ELMO2: variants seen among roughly 807,000 people sequenced by gnomAD.
ELMO2 encodes the protein engulfment and cell motility protein 2.
ELMO2 carries 37 observed loss-of-function variants against 96.2 expected under a neutral mutation model. That is an observed-to-expected ratio of 0.38 (90% CI 0.30 to 0.51). The LOEUF (loss-of-function observed/expected upper bound fraction) is 0.51, where lower values mean the gene tolerates loss of function less well. Ranked by LOEUF, ELMO2 falls within the 20% of genes least tolerant of loss-of-function variation. The pLI is 0.88. For synonymous variants in ELMO2, 315 were observed against 329.4 expected, an observed-to-expected ratio of 0.96 and a Z score of 0.47; for missense variants, 561 against 912.6, an observed-to-expected ratio of 0.61 and a Z score of 4.96.
At position 46,395,946 on chromosome 20, in the gene ELMO2, C is replaced by T. The variant is rs542381409; in HGVS notation, c.-50-1414G>A. Among the ~76,000 whole-genome samples, 9 of 152,348 alleles carry T rather than the reference C, an allele frequency of 5.9e-5. No individual in the cohort carries two copies. In the South Asian group the frequency reaches 1.9e-3, roughly 32 times the overall value. ...TTGTTAAGTGCCCAAGGTCACCCAGCTAGTAAGTCATAACGGTTGACAGAA... is the reference window on the plus strand; with the variant it reads ...TTGTTAAGTGCCCAAGGTCACCCAGTTAGTAAGTCATAACGGTTGACAGAA... On this transcript the variant is annotated intron_variant, in intron 2 of 21. Transcript: ENST00000290246.
chr20:46,394,813 G>A (rs2060216228), intron 2 of ELMO2, among the ~76,000 whole-genome samples: 1 of 152,230 alleles, frequency 6.6e-6, no homozygotes, highest in East Asian at 1.9e-4. Flanking sequence ...AGACTCAGTG[G>A]TAGAGGAATG....
At chr20:46,384,093 ATAAT>A (rs1167818581) in intron 9 of ELMO2, among the ~76,000 whole-genome samples, 1 of 152,258 alleles carries the variant, frequency 6.6e-6, no homozygotes, top group South Asian at 2.1e-4. Context: ...CATAGTATAT[ATAAT>A]GAGATCCCGA....
chr20:46,403,665 T>C lies in ELMO2; in HGVS notation c.-126+2883A>G, dbSNP rs139813167. 9.6e-4 allele frequency among the ~76,000 whole-genome samples: 146 copies of C among 152,318 alleles called. 1 individual carries two copies. Among genetic ancestry groups the C allele is most frequent in the Admixed American group, 5.3e-3 (81 of 15,302 alleles). The stretch of plus-strand genomic sequence containing the variant: ...CATCTAGTCATTTTATGTGATCCAG[T>C]CTTGTCTTTCCAAGTATACCTGAAG... On this transcript the variant is annotated intron_variant, in intron 1 of 21. Transcript: ENST00000290246.
At chr20:46,372,980 C>G (rs2059757824) in intron 16 of ELMO2, 1 of 160,698 alleles carries the variant, frequency 6.2e-6, no homozygotes, top group Admixed American at 6.3e-5. Flanking sequence ...GGACTGAAAG[C>G]ACCGAGGGAT....
chr20:46,385,992 G>C, intron 9 of ELMO2, 132 bp downstream of exon 9: 2 of 966,134 alleles, frequency 2.1e-6, no homozygotes, highest in Non-Finnish European at 3.0e-6. Flanking sequence ...GAGTGTGGAA[G>C]AGGTGATGAA....
intron 15 of ELMO2, 48 bp from the exon 16 acceptor site, chr20:46,373,583 G>C: frequency 6.3e-7 from 1 of 1,598,856 alleles, no homozygotes; most frequent in Non-Finnish European, 8.5e-7. Context: ...TGTCCACAAG[G>C]GCCTGGGAGC....
At position 46,384,276 on chromosome 20, in the gene ELMO2, A is replaced by G. The variant is rs1568767486; in HGVS notation, c.678-782T>C. Among the ~76,000 whole-genome samples, 3 of 152,204 alleles carry G rather than the reference A, an allele frequency of 2.0e-5. No homozygotes were observed. In the South Asian group the frequency reaches 6.2e-4, roughly 32 times the overall value. ...ATGAACAAACAAAATAACTACAATCATTCTCTGGAATCTTACAATCCTGGT... is the reference window on the plus strand; with the variant it reads ...ATGAACAAACAAAATAACTACAATCGTTCTCTGGAATCTTACAATCCTGGT... On this transcript the variant is annotated intron_variant, in intron 9 of 21. Transcript: ENST00000290246.
chr20:46,387,601 A>T, intron 7 of ELMO2, 164 bp from the exon 8 acceptor site: 1 of 269,146 alleles, frequency 3.7e-6, no homozygotes. Flanking sequence ...TAGCCAGTGT[A>T]GAGCAGATTC....
At chr20:46,400,229 C>T (rs1414372477) in intron 1 of ELMO2, among the ~76,000 whole-genome samples, 2 of 152,200 alleles carry the variant, frequency 1.3e-5, no homozygotes, top group African/African-American at 2.4e-5. Flanking sequence ...GCACCCCTAA[C>T]TCTAGTTGAA....
rs1337942839 is a variant in ELMO2 at position 46,366,081 on chromosome 20, T to G, written c.*1279A>C. 3 of 152,606 alleles carry G rather than the reference T, an allele frequency of 2.0e-5. No individual in the cohort carries two copies. Among genetic ancestry groups the G allele is most frequent in the Non-Finnish European group, 4.4e-5 (3 of 68,024 alleles). 9.5% of individuals were successfully genotyped at this position (152,606 alleles called of 1,614,324 possible). On this transcript the variant is annotated 3_prime_UTR_variant, in exon 22 of 22. Transcript: ENST00000290246. ...CATGAAAGAGTATTTATTGAAAACATGGTTACTGACAGGAAGCTCCTGGCT... is the reference window on the plus strand; with the variant it reads ...CATGAAAGAGTATTTATTGAAAACAGGGTTACTGACAGGAAGCTCCTGGCT...
At chr20:46,373,279 C>T in intron 16 of ELMO2, 120 bp downstream of exon 16, 1 of 1,388,948 alleles carries the variant, frequency 7.2e-7, no homozygotes, top group East Asian at 2.4e-5. Context: ...TCTTGTGACT[C>T]AGTTCTGCAG....
chr20:46,395,726 AT>A (rs1485345008), intron 2 of ELMO2, among the ~76,000 whole-genome samples: 1 of 152,198 alleles, frequency 6.6e-6, no homozygotes, highest in Admixed American at 6.5e-5. Context: ...TTTCATGACC[AT>A]TTCCTAGTCA....
In ELMO2 at chr20:46,375,580, A is replaced by G. The variant is rs2059844120; in HGVS notation, c.930+88T>C. On this transcript the variant is annotated intron_variant, in intron 12 of 21. Transcript: ENST00000290246. The surrounding 1 kb of genome is among the most constrained non-coding windows in gnomAD (Gnocchi z 4.6). ...GGGCAGATGCAAACTACTTCTGCAG[A>G]CAAAGACCAAGCACAGTGCCTGGCA... 1 of 1,583,212 alleles carries G rather than the reference A, an allele frequency of 6.3e-7. No homozygotes were observed.
In ELMO2 at chr20:46,393,090, T is replaced by C. The variant is rs1241504073; in HGVS notation, c.243+3A>G. 1.2e-6 allele frequency: 2 copies of C among 1,613,794 alleles called. No individual in the cohort carries two copies. Among genetic ancestry groups the C allele is most frequent in the South Asian group, 2.2e-5 (2 of 91,082 alleles). The stretch of plus-strand genomic sequence containing the variant: ...AAACTCCTAAGGAAGAAAGAATACC[T>C]ACCGGGGAGATAGCCAGTTGTAAGA... On this transcript the variant is annotated splice_donor_region_variant and intron_variant, in intron 6 of 21. Coordinates refer to ENST00000290246, the MANE Select transcript of ELMO2 (RefSeq NM_133171.5).
chr20:46,370,057 A>G (rs909219481), intron 20 of ELMO2: 1 of 368,374 alleles, frequency 2.7e-6, no homozygotes, highest in African/African-American at 2.1e-5. Context: ...TTTATAAGAC[A>G]ATTGGTAGAA....
At chr20:46,399,356 G>C (rs151329953) in intron 1 of ELMO2, among the ~76,000 whole-genome samples, 1 of 152,144 alleles carries the variant, frequency 6.6e-6, no homozygotes, top group Non-Finnish European at 1.5e-5. Flanking sequence ...CCTGGACTAC[G>C]GGCTATTTCT....
At position 46,367,116 on chromosome 20, in the gene ELMO2, T is replaced by C; in HGVS notation, c.*244A>G. ...AAGGGCATCTGCTGTTTGTTCCTCG[T>C]GGCCCAATCCCAGGCTTCATGGTGA... On this transcript the variant is annotated 3_prime_UTR_variant, in exon 22 of 22. Coordinates refer to ENST00000290246, the MANE Select transcript of ELMO2 (RefSeq NM_133171.5). The C allele has an allele frequency of 2.6e-6, 1 of 378,848 alleles. No homozygotes were observed. The allele number at this position is 378,848 out of a possible 1,614,324, so 23.5% of individuals were successfully genotyped here.
At chr20:46,393,173 A>C in intron 5 of ELMO2, 30 bp from the exon 6 acceptor site, 1 of 1,606,682 alleles carries the variant, frequency 6.2e-7, no homozygotes, top group Non-Finnish European at 8.5e-7. Flanking sequence ...CAAAAAAAGT[A>C]ACTAAGATAA....
chr20:46,374,673 G>T (rs760541976), intron 13 of ELMO2, 33 bp from the exon 14 acceptor site: 1 of 1,599,866 alleles, frequency 6.3e-7, no homozygotes, highest in Admixed American at 1.7e-5. Context: ...TTTGAGATGC[G>T]GCAGTCTCCG....
Sources: allele counts gnomAD v4.1 joint callset (sites outside exome capture counted in the v4.1 genomes callset), GRCh38; gene constraint gnomAD v4.1.1; non-coding constraint Gnocchi (gnomAD v3.1); transcripts MANE v1.5; gene names NCBI Gene and HGNC (gene_info 2026-07-23, HGNC 2026-07-21).